The following PIR variants were observed in gnomAD, a reference collection of about 807,000 sequenced individuals.
The protein encoded by PIR is pirin.
In PIR, 22 loss-of-function variants were observed where a neutral mutation model predicts 24.2. The observed-to-expected ratio is 0.91, with a 90% CI of 0.65 to 1.30. The LOEUF is 1.30. Ranked by LOEUF, PIR falls within the 50% of genes most tolerant of loss-of-function variation. The probability of loss-of-function intolerance (pLI) is 0.00; values close to 1 mark genes in which losing one functional copy is unlikely to be tolerated. For synonymous variants in PIR, 80 were observed against 79.6 expected (o/e 1.00, Z -0.03); for missense variants, 220 against 220.3 (o/e 1.00, Z 0.01).
chrX:15,451,276 A>T (rs920773750), intron 5 of PIR, among the ~76,000 whole-genome samples: 2 of 110,912 alleles, frequency 1.8e-5, no homozygotes, highest in Admixed American at 1.9e-4. Flanking sequence ...GCAGATAAGA[A>T]GACACCTGCC....
Position 15,432,436 on chromosome X carries a change from T to C in PIR, c.481-6446A>G, listed in dbSNP as rs919347958. ...TGAGGAGAGTAAGGGAAGTCCTCAC[T>C]AGGGAGATTACATTAAAGTGAAGAC... On this transcript the variant is annotated intron_variant, in intron 5 of 9. Transcript: ENST00000380420. Among the ~76,000 whole-genome samples the C allele has an allele frequency of 3.6e-5, 4 of 111,707 alleles. No individual in the cohort carries two copies. The Admixed American group carries it at 3.8e-4, about 11-fold the overall frequency.
intron 2 of PIR, among the ~76,000 whole-genome samples, chrX:15,489,910 C>T (rs759175148): frequency 6.7e-4 from 75 of 111,613 alleles, no homozygotes; most frequent in African/African-American, 2.3e-3. Flanking sequence ...GTGGTTACCC[C>T]GGCTAGGGGA....
chrX:15,464,603 A>G (rs748493908), intron 3 of PIR, among the ~76,000 whole-genome samples: 60 of 112,074 alleles, frequency 5.4e-4, no homozygotes, highest in African/African-American at 1.8e-3. Flanking sequence ...TACTGTGTGG[A>G]AAAGACCTGC....
At chrX:15,407,061 C>A (rs1224863028) in intron 7 of PIR, among the ~76,000 whole-genome samples, 4 of 112,112 alleles carry the variant, frequency 3.6e-5, no homozygotes, top group Admixed American at 2.8e-4. Flanking sequence ...AACATATATA[C>A]AACCCTCGGA....
intron 6 of PIR, 35 bp downstream of exon 6, chrX:15,425,871 C>G (rs768548608): frequency 1.2e-6 from 1 of 808,186 alleles, no homozygotes; most frequent in Non-Finnish European, 1.8e-6. Context: ...TTTTTTTTTC[C>G]TGACGTGACT....
chrX:15,424,789 G>T (rs141086654), intron 6 of PIR, among the ~76,000 whole-genome samples: 233 of 111,779 alleles, frequency 2.1e-3, no homozygotes, highest in African/African-American at 7.0e-3. Flanking sequence ...TTAAGGCCAG[G>T]AATCTGAGAC....
intron 6 of PIR, among the ~76,000 whole-genome samples, chrX:15,418,776 T>TA (rs1925012666): frequency 8.9e-6 from 1 of 112,182 alleles, no homozygotes; most frequent in Non-Finnish European, 1.9e-5. Context: ...CAGTCTCCCT[T>TA]AACTGGATTT....
chrX:15,471,647 GTC>G (rs1365223137), intron 3 of PIR, among the ~76,000 whole-genome samples: 2 of 111,679 alleles, frequency 1.8e-5, no homozygotes, highest in Non-Finnish European at 3.8e-5. Context: ...TATCCAGAGA[GTC>G]AAATCTTACT....
chrX:15,457,266 C>T (rs1163299550), intron 4 of PIR, among the ~76,000 whole-genome samples: 1 of 110,977 alleles, frequency 9.0e-6, no homozygotes, highest in Non-Finnish European at 1.9e-5. Context: ...TATGGTCTGC[C>T]CACATATGGT....
At chrX:15,412,360 A>G (rs1924770568) in intron 6 of PIR, among the ~76,000 whole-genome samples, 1 of 112,037 alleles carries the variant, frequency 8.9e-6, no homozygotes, top group African/African-American at 3.2e-5. Flanking sequence ...GTTAGACTGA[A>G]TTGTTTGCTA....
chrX:15,454,174 C>T (rs748151876), intron 5 of PIR, among the ~76,000 whole-genome samples: 1 of 111,584 alleles, frequency 9.0e-6, no homozygotes, highest in South Asian at 3.8e-4. Flanking sequence ...TTTGCTGCTA[C>T]ACCAGGAAGT....
chrX:15,392,563 T>C lies in PIR; in HGVS notation c.694-2312A>G, dbSNP rs1481855126. Among the ~76,000 whole-genome samples the C allele has an allele frequency of 2.2e-4, 25 of 111,881 alleles. No homozygotes were observed. In the Admixed American group the frequency reaches 2.4e-3, roughly 11 times the overall value. ...CATGTATTTAATAAAAACTACCGTA[T>C]TTGACATGACAGAAATTTGTTTCCC... On this transcript the variant is annotated intron_variant, in intron 8 of 9. Transcript: ENST00000380420.
chrX:15,402,112 A>G (rs1017805891), intron 7 of PIR, among the ~76,000 whole-genome samples: 4 of 111,804 alleles, frequency 3.6e-5, no homozygotes, highest in Non-Finnish European at 5.6e-5. Flanking sequence ...CCAGGAGTTC[A>G]AGACCAGCCT....
intron 5 of PIR, among the ~76,000 whole-genome samples, chrX:15,448,013 A>G (rs1245886779): frequency 8.9e-6 from 1 of 112,024 alleles, no homozygotes; most frequent in East Asian, 2.8e-4. Context: ...TTCTTCATTC[A>G]CTGGAAGGAG....
intron 6 of PIR, among the ~76,000 whole-genome samples, chrX:15,407,979 C>CT (rs10706193): frequency 9.3e-6 from 1 of 107,601 alleles, no homozygotes; most frequent in Non-Finnish European, 1.9e-5. Flanking sequence ...TAGAAATATG[C>CT]TTTTTTTTTT....
At chrX:15,452,089 T>C (rs1920971558) in intron 5 of PIR, among the ~76,000 whole-genome samples, 1 of 111,849 alleles carries the variant, frequency 8.9e-6, no homozygotes, top group South Asian at 3.8e-4. Flanking sequence ...TGGCTCCAGA[T>C]TGCCTTTCTC....
intron 5 of PIR, among the ~76,000 whole-genome samples, chrX:15,446,131 T>A (rs1332129701): frequency 9.0e-6 from 1 of 111,696 alleles, no homozygotes; most frequent in Admixed American, 9.5e-5. Context: ...ACCCGGCCTA[T>A]TCAAGATATT....
rs911226822 is a variant in PIR at position 15,457,373 on chromosome X, C to T, written c.274-1319G>A. ...ATCACCACCTGAACTCACAGTTGGG[C>T]CAAAGGGCTATGAGGCAGGCCATCA... On this transcript the variant is annotated intron_variant, in intron 4 of 9. Coordinates refer to ENST00000380420, the MANE Select transcript of PIR (RefSeq NM_001018109.3). Among the ~76,000 whole-genome samples the T allele has an allele frequency of 2.7e-5, 3 of 111,939 alleles. No individual in the cohort carries two copies. The South Asian group carries it at 1.1e-3, about 42-fold the overall frequency.
chrX:15,420,919 G>A (rs1001402406), intron 6 of PIR, among the ~76,000 whole-genome samples: 5 of 111,918 alleles, frequency 4.5e-5, no homozygotes, highest in African/African-American at 1.3e-4. Context: ...TAAATAGGAC[G>A]TAAAAGAGTA....
Sources: gnomAD v4.1 joint callset for allele counts (sites outside exome capture counted in the v4.1 genomes callset) on GRCh38, gnomAD v4.1.1 for gene constraint, MANE v1.5 for transcripts, NCBI Gene and HGNC (gene_info 2026-07-23, HGNC 2026-07-21) for gene names.